Variants in RAB33A observed in about 807,000 individuals in gnomAD.
The protein encoded by RAB33A is RAB33A, member RAS oncogene family.
A neutral mutation model predicts 12.0 loss-of-function variants in RAB33A; 6 were observed. That is an observed-to-expected ratio of 0.50 (90% confidence interval 0.27 to 0.99). The LOEUF (loss-of-function observed/expected upper bound fraction) is 0.99, where lower values mean the gene tolerates loss of function less well. Ranked by LOEUF, RAB33A falls within the 50% of genes least tolerant of loss-of-function variation. The pLI is 0.11. For missense variants in RAB33A, 109 were observed against 192.0 expected, an observed-to-expected ratio of 0.57 and a Z score of 2.55; for synonymous variants, 70 against 82.4, an observed-to-expected ratio of 0.85 and a Z score of 0.81.
chrX:130,158,927 C>T, the RAB33A span, among the ~76,000 whole-genome samples: 2 of 110,484 alleles, frequency 1.8e-5, no homozygotes, highest in African/African-American at 3.3e-5. Flanking sequence ...CCCTTGCTTT[C>T]ATAACGTTAG....
At chrX:130,152,116 A>G in the RAB33A span, among the ~76,000 whole-genome samples, 2 of 110,759 alleles carry the variant, frequency 1.8e-5, no homozygotes, top group Non-Finnish European at 3.8e-5. Context: ...GAGAAGAGAA[A>G]AGAAAAGAAA....
At chrX:130,138,615 C>T in the RAB33A span, 1 of 1,208,805 alleles carries the variant, frequency 8.3e-7, no homozygotes, top group South Asian at 1.8e-5. Flanking sequence ...GAGCACAGGC[C>T]AGTTCGCTAC....
chrX:130,171,934 G>T (rs981294335), upstream of RAB33A: 3 of 809,861 alleles, frequency 3.7e-6, no homozygotes, highest in South Asian at 2.8e-5. Flanking sequence ...ACGCACACAC[G>T]GGCGGACACA....
chrX:130,143,267 C>T, the RAB33A span, among the ~76,000 whole-genome samples: 1 of 111,934 alleles, frequency 8.9e-6, no homozygotes, highest in African/African-American at 3.2e-5. Context: ...GCGTGGCAGT[C>T]ATATGTCCAA....
At chrX:130,161,041 A>C in the RAB33A span, among the ~76,000 whole-genome samples, 1 of 111,775 alleles carries the variant, frequency 8.9e-6, no homozygotes, top group Non-Finnish European at 1.9e-5. Flanking sequence ...AATAGTAGCT[A>C]AACTAGCAAG....
chrX:130,176,249 A>G (rs965110874), intron 1 of RAB33A, among the ~76,000 whole-genome samples: 14 of 112,240 alleles, frequency 1.2e-4, no homozygotes, highest in African/African-American at 4.5e-4. Context: ...TCCTAAATGC[A>G]TTGGAAAATG....
At chrX:130,136,511 C>T in the RAB33A span, 15 of 626,937 alleles carry the variant, frequency 2.4e-5, no homozygotes, top group South Asian at 2.2e-4. Context: ...ATGGTTAATT[C>T]GGAAAATTAT....
the RAB33A span, among the ~76,000 whole-genome samples, chrX:130,152,461 G>C: frequency 3.6e-5 from 4 of 112,224 alleles, no homozygotes; most frequent in South Asian, 1.5e-3. Flanking sequence ...GGTTAAGAAA[G>C]ACTACAAATT....
chrX:130,182,081 T>C (rs1218141192), intron 1 of RAB33A, among the ~76,000 whole-genome samples: 1 of 98,451 alleles, frequency 1.0e-5, no homozygotes, highest in African/African-American at 3.8e-5. Flanking sequence ...GGCAGGAGGA[T>C]TGCTTGAGGC....
the RAB33A span, among the ~76,000 whole-genome samples, chrX:130,153,779 A>G: frequency 1.8e-5 from 2 of 111,585 alleles, no homozygotes; most frequent in Non-Finnish European, 3.8e-5. Context: ...GAAAGCTAAG[A>G]AGAGAGCCCT....
At chrX:130,119,023 C>T in the RAB33A span, among the ~76,000 whole-genome samples, 2 of 111,700 alleles carry the variant, frequency 1.8e-5, no homozygotes, top group African/African-American at 3.3e-5. Flanking sequence ...TCTCCCCTCA[C>T]GAAGAGAAGG....
At chrX:130,129,355 A>G in the RAB33A span, 6 of 446,790 alleles carry the variant, frequency 1.3e-5, no homozygotes, top group South Asian at 2.0e-4. Flanking sequence ...TTGACAAGAG[A>G]ACAGAATTTA....
At chrX:130,134,017 T>C in the RAB33A span, among the ~76,000 whole-genome samples, 1 of 110,317 alleles carries the variant, frequency 9.1e-6, no homozygotes, top group South Asian at 3.8e-4. Context: ...CCAAGGTGGG[T>C]GGATCACAAG....
At chrX:130,183,828 T>C (rs1221027132) in intron 1 of RAB33A, among the ~76,000 whole-genome samples, 3 of 112,454 alleles carry the variant, frequency 2.7e-5, no homozygotes, top group African/African-American at 9.7e-5. Context: ...CTTCTCTTTA[T>C]GCTTTGATAA....
the RAB33A span, chrX:130,137,442 T>G: frequency 8.6e-7 from 1 of 1,164,347 alleles, no homozygotes; most frequent in African/African-American, 1.8e-5. Context: ...CTTCCACCCA[T>G]GCAGTCACCT....
chrX:130,183,330 C>T (rs1306662889), intron 1 of RAB33A, among the ~76,000 whole-genome samples: 1 of 108,484 alleles, frequency 9.2e-6, no homozygotes, highest in South Asian at 4.0e-4. Flanking sequence ...CTGAGGCAGG[C>T]GGATCACGAG....
the RAB33A span, among the ~76,000 whole-genome samples, chrX:130,126,172 G>A: frequency 3.6e-5 from 4 of 112,157 alleles, no homozygotes; most frequent in African/African-American, 6.5e-5. Context: ...GCCAAACCTC[G>A]ACTGGCACTG....
the RAB33A span, among the ~76,000 whole-genome samples, chrX:130,162,954 A>T: frequency 8.9e-6 from 1 of 111,934 alleles, no homozygotes; most frequent in East Asian, 2.8e-4. Context: ...GTAAATAAAC[A>T]AATAGTAGCT....
At chrX:130,142,151 G>A in the RAB33A span, among the ~76,000 whole-genome samples, 1 of 111,925 alleles carries the variant, frequency 8.9e-6, no homozygotes, top group Non-Finnish European at 1.9e-5. Context: ...AATTTAACAA[G>A]CACTAACAAT....
Sources: gnomAD v4.1 joint callset for allele counts (sites outside exome capture counted in the v4.1 genomes callset) on GRCh38, gnomAD v4.1.1 for gene constraint, MANE v1.5 for transcripts, NCBI Gene and HGNC (gene_info 2026-07-23, HGNC 2026-07-21) for gene names.